Variants in CSE1L observed in about 807,000 individuals in gnomAD.
CSE1L encodes the protein exportin-2.
CSE1L carries 24 observed loss-of-function variants against 120.4 expected under a neutral mutation model. The observed-to-expected ratio is 0.20, with a 90% CI of 0.14 to 0.28. The LOEUF is 0.28. Ranked by LOEUF, CSE1L falls within the 10% of genes least tolerant of loss-of-function variation. CSE1L has a pLI of 1.00. For synonymous variants in CSE1L, 402 were observed against 398.3 expected, an observed-to-expected ratio of 1.01 and a Z score of -0.11; for missense variants, 830 against 1,145.2, an observed-to-expected ratio of 0.72 and a Z score of 3.97.
At chr20:49,085,562 ATT>A (rs11471947) in intron 16 of CSE1L, among the ~76,000 whole-genome samples, 176 bp downstream of exon 16, 57 of 80,230 alleles carry the variant, frequency 7.1e-4, no homozygotes, top group East Asian at 3.7e-3. Context: ...ACTAACAATA[ATT>A]TTTTTTTTTT....
intron 5 of CSE1L, 26 bp from the exon 6 acceptor site, chr20:49,067,164 T>G: frequency 2.7e-6 from 4 of 1,462,840 alleles, no homozygotes; most frequent in Non-Finnish European, 3.8e-6. Context: ...ACTTGTAAAT[T>G]TATCTGTTTT....
chr20:49,095,124 CT>C, intron 24 of CSE1L, 161 bp downstream of exon 24: 5 of 694,674 alleles, frequency 7.2e-6, no homozygotes, highest in South Asian at 3.2e-5. Flanking sequence ...ACACTGAGCC[CT>C]TTTTTTCTTG....
At chr20:49,076,169 G>A (rs2091966597) in intron 12 of CSE1L, among the ~76,000 whole-genome samples, 1 of 147,806 alleles carries the variant, frequency 6.8e-6, no homozygotes, top group Admixed American at 6.7e-5. Context: ...TAAGCAGGTT[G>A]TGTTTTGTTG....
At chr20:49,061,580 G>A (rs2091853800) in intron 2 of CSE1L, among the ~76,000 whole-genome samples, 1 of 151,314 alleles carries the variant, frequency 6.6e-6, no homozygotes, top group Non-Finnish European at 1.5e-5. Context: ...TTGGCTCACT[G>A]CAAGCTCCAC....
chr20:49,078,924 T>A (rs1018163296), intron 14 of CSE1L, among the ~76,000 whole-genome samples: 8 of 152,142 alleles, frequency 5.3e-5, no homozygotes, highest in Non-Finnish European at 1.0e-4. Flanking sequence ...TGGAGTCTCA[T>A]TCTGTCACCC....
At chr20:49,068,496 G>C (rs941870874) in intron 6 of CSE1L, among the ~76,000 whole-genome samples, 1 of 152,176 alleles carries the variant, frequency 6.6e-6, no homozygotes, top group African/African-American at 2.4e-5. Flanking sequence ...CTACTTGGGA[G>C]GCTGAGGCAG....
intron 13 of CSE1L, among the ~76,000 whole-genome samples, chr20:49,077,673 G>T (rs1425235909): frequency 1.3e-5 from 2 of 152,062 alleles, no homozygotes; most frequent in East Asian, 1.9e-4. Flanking sequence ...CTTAAAAATT[G>T]GAGTACATTT....
intron 14 of CSE1L, among the ~76,000 whole-genome samples, chr20:49,080,037 G>T (rs886585887): frequency 5.9e-5 from 9 of 152,134 alleles, no homozygotes; most frequent in Middle Eastern, 3.2e-3. Flanking sequence ...TCATGCCATT[G>T]CACTCCAGCC....
At chr20:49,065,933 A>T (rs1411060568) in intron 3 of CSE1L, among the ~76,000 whole-genome samples, 1 of 152,168 alleles carries the variant, frequency 6.6e-6, no homozygotes, top group Non-Finnish European at 1.5e-5. Flanking sequence ...GAGTAAGGGA[A>T]GTTCACTAAT....
chr20:49,056,935 TTATTA>T lies in CSE1L; in HGVS notation c.-11-1515_-11-1511del, dbSNP rs567560492. ...CAGTAATTTTCAAGTGTACAATACA[TTATTA>T]TAGTCACCTTGTTGTACAATAAATC... On this transcript the variant is annotated intron_variant, in intron 1 of 24. Transcript: ENST00000262982. 2.0e-3 allele frequency among the ~76,000 whole-genome samples: 310 copies of T among 152,140 alleles called. 3 individuals carry two copies. Among genetic ancestry groups the T allele is most frequent in the Middle Eastern group, 3.4e-3 (1 of 294 alleles).
chr20:49,091,048 A>G (rs1173207312), intron 21 of CSE1L, 26 bp downstream of exon 21: 3 of 1,409,764 alleles, frequency 2.1e-6, no homozygotes, highest in Admixed American at 3.5e-5. Flanking sequence ...TGGATGTTCT[A>G]CAGAAGTAAT....
At chr20:49,048,908 A>AT (rs1388496870) in intron 1 of CSE1L, among the ~76,000 whole-genome samples, 3 of 152,232 alleles carry the variant, frequency 2.0e-5, no homozygotes, top group Non-Finnish European at 4.4e-5. Context: ...TGTTGAGGAC[A>AT]TATCTAAGAA....
Position 49,096,469 on chromosome 20 carries a change from T to G in CSE1L, c.*31T>G. ...ATTTTTCTAATGGGCTAAACCCAGA[T>G]GGTTTCCTAGGAAATCACAGGCTTC... On this transcript the variant is annotated 3_prime_UTR_variant, in exon 25 of 25. Transcript: ENST00000262982. 6.5e-7 allele frequency: 1 copy of G among 1,533,836 alleles called. No homozygotes were observed. The highest frequency in any genetic ancestry group is 9.0e-7 in the Non-Finnish European group (1 of 1,107,068).
At chr20:49,072,235 T>G in intron 8 of CSE1L, 51 bp from the exon 9 acceptor site, 1 of 1,581,236 alleles carries the variant, frequency 6.3e-7, no homozygotes, top group Non-Finnish European at 8.6e-7. Context: ...TCCTCTTACT[T>G]ATGTTAGCAT....
chr20:49,074,912 T>C, intron 11 of CSE1L, 62 bp downstream of exon 11: 8 of 1,214,668 alleles, frequency 6.6e-6, no homozygotes, highest in Non-Finnish European at 9.5e-6. Flanking sequence ...GTGGTTCTCT[T>C]TCTAGTAAAT....
chr20:49,094,967 AGT>A lies in CSE1L; in HGVS notation c.2826+9_2826+10del. ...GTCTACCGCCTGTCCAGGAAGGGTA[AGT>A]GTGTTGTCAAAGAACTCTGTGATAA... On this transcript the variant is annotated splice_donor_5th_base_variant and intron_variant, in intron 24 of 24. Coordinates refer to ENST00000262982, the MANE Select transcript of CSE1L (RefSeq NM_001316.4). 1 of 1,611,090 alleles carries A rather than the reference AGT, an allele frequency of 6.2e-7. No homozygotes were observed.
intron 1 of CSE1L, among the ~76,000 whole-genome samples, chr20:49,048,482 C>T (rs1226721660): frequency 3.9e-5 from 6 of 152,072 alleles, no homozygotes; most frequent in Non-Finnish European, 8.8e-5. Flanking sequence ...TAGATAATTT[C>T]AGATAGTGAC....
Position 49,089,548 on chromosome 20 carries a change from A to G in CSE1L, c.1983A>G (p.Pro661=), listed in dbSNP as rs1197268300. Reference sequence around the variant, plus strand: ...TACTTTTATCAACAGAATTTATTCCATACGTCTTTCAAGTGATGTCTTTGC... The same window carrying G: ...TACTTTTATCAACAGAATTTATTCCGTACGTCTTTCAAGTGATGTCTTTGC... ...ILQNDVQEFI[P]YVFQVMSLLL... The change falls in exon 19 of 25, where the codon CCA becomes CCG. Residue 661 remains proline (P), a synonymous_variant. Coordinates refer to ENST00000262982, the MANE Select transcript of CSE1L (RefSeq NM_001316.4). 5.0e-6 allele frequency: 8 copies of G among 1,614,048 alleles called. No homozygotes were observed. Among genetic ancestry groups the G allele is most frequent in the East Asian group, 4.5e-5 (2 of 44,894 alleles).
chr20:49,071,178 G>A (rs1163936768), intron 8 of CSE1L, among the ~76,000 whole-genome samples: 1 of 152,162 alleles, frequency 6.6e-6, no homozygotes, highest in Non-Finnish European at 1.5e-5. Flanking sequence ...TTCAAATCAG[G>A]TTTTAAGAGT....
Sources: allele counts gnomAD v4.1 joint callset (sites outside exome capture counted in the v4.1 genomes callset), GRCh38; gene constraint gnomAD v4.1.1; transcripts MANE v1.5; gene names NCBI Gene and HGNC (gene_info 2026-07-23, HGNC 2026-07-21).